The following MYO19 variants were observed in gnomAD, a reference collection of about 807,000 sequenced individuals.
MYO19 encodes myosin XIX.
A neutral mutation model predicts 129.2 loss-of-function variants in MYO19; 132 were observed. The ratio of observed to expected loss-of-function variants is 1.02; its 90% CI spans 0.89 to 1.18. The LOEUF is 1.18. Among genes scored for constraint, MYO19 ranks in the 50% most tolerant of loss-of-function variants. MYO19 has a pLI of 0.00. For missense variants in MYO19, 1,210 were observed against 1,216.7 expected (o/e 0.99, Z 0.08); for synonymous variants, 531 against 477.2 (o/e 1.11, Z -1.47).
chr17:36,498,608 T>C (rs373592150), intron 24 of MYO19, 49 bp from the exon 25 acceptor site: 1 of 1,518,836 alleles, frequency 6.6e-7, no homozygotes, highest in Non-Finnish European at 8.9e-7. Flanking sequence ...CTAGCCCTCT[T>C]AGCAGAAAAT....
upstream of MYO19, among the ~76,000 whole-genome samples, chr17:36,536,596 C>G (rs2074134814): frequency 1.4e-5 from 2 of 145,992 alleles, no homozygotes; most frequent in African/African-American, 5.0e-5. Flanking sequence ...CTCACTCCAA[C>G]CTCTGCTTCC....
At position 36,500,871 on chromosome 17, in the gene MYO19, T is replaced by G; in HGVS notation, c.2336A>C (p.Glu779Ala). Residue 779 changes from glutamate to alanine, a missense_variant, in exon 23 of 26, where the codon GAG (glutamate) becomes GCG (alanine). Coordinates refer to ENST00000614623, the MANE Select transcript of MYO19 (RefSeq NM_001163735.2). The part of the protein sequence containing the change: ...QGGWRRHRHR[E>A]QERQWRAVML... ...GACGGCCCGCCACTGCCGCTCCTGCTCTCGGTGCCGGTGTCGCCTCCAGCC... is the reference window on the plus strand; with the variant it reads ...GACGGCCCGCCACTGCCGCTCCTGCGCTCGGTGCCGGTGTCGCCTCCAGCC... 1 of 1,605,424 alleles carries G rather than the reference T, an allele frequency of 6.2e-7. No individual in the cohort carries two copies. Among genetic ancestry groups the G allele is most frequent in the Non-Finnish European group, 8.5e-7 (1 of 1,179,242 alleles).
At chr17:36,502,112 G>T (rs2071572756) in intron 21 of MYO19, among the ~76,000 whole-genome samples, 1 of 152,236 alleles carries the variant, frequency 6.6e-6, no homozygotes, top group Non-Finnish European at 1.5e-5. Flanking sequence ...AAGGCTGGGT[G>T]GGAGGGGCAG....
In MYO19 at chr17:36,511,471, G is replaced by A; in HGVS notation, c.895-16C>T. On this transcript the variant is annotated splice_polypyrimidine_tract_variant and intron_variant, in intron 11 of 25. Coordinates refer to ENST00000614623, the MANE Select transcript of MYO19 (RefSeq NM_001163735.2). ...CAGCTAGGACCTGGGGGAAAGAAAA[G>A]GATGGGTGGGAGTAGGAGAGGGCGT... 1 of 1,553,594 alleles carries A rather than the reference G, an allele frequency of 6.4e-7. No individual in the cohort carries two copies. Among genetic ancestry groups the A allele is most frequent in the Non-Finnish European group, 8.7e-7 (1 of 1,148,070 alleles).
intron 12 of MYO19, 61 bp downstream of exon 12, chr17:36,511,304 C>T (rs934068457): frequency 1.3e-6 from 2 of 1,519,584 alleles, no homozygotes; most frequent in Non-Finnish European, 1.8e-6. Context: ...TTCCACCCAA[C>T]CCCAGCAATG....
At chr17:36,507,735 G>T in intron 15 of MYO19, 68 bp downstream of exon 15, 1 of 1,495,092 alleles carries the variant, frequency 6.7e-7, no homozygotes, top group Non-Finnish European at 8.9e-7. Flanking sequence ...CTGGACTGGG[G>T]CTGGAAGGTC....
intron 3 of MYO19, among the ~76,000 whole-genome samples, chr17:36,528,756 A>C (rs2073649514): frequency 6.6e-6 from 1 of 152,180 alleles, no homozygotes; most frequent in Non-Finnish European, 1.5e-5. Flanking sequence ...ATTGGGAAGA[A>C]AAGAAGAGAT....
intron 8 of MYO19, 143 bp from the exon 9 acceptor site, chr17:36,514,691 G>A: frequency 1.6e-6 from 1 of 635,266 alleles, no homozygotes; most frequent in Non-Finnish European, 2.8e-6. Flanking sequence ...GAGGGGTGGG[G>A]ACCACTCAGA....
chr17:36,511,253 C>T (rs1040104963), intron 12 of MYO19, 112 bp downstream of exon 12: 1 of 1,169,680 alleles, frequency 8.5e-7, no homozygotes, highest in Non-Finnish European at 1.2e-6. Flanking sequence ...TGGTGGGTGG[C>T]ATAAGCAAGG....
At position 36,496,082 on chromosome 17, in the gene MYO19, G is replaced by A. The variant is rs2070939298; in HGVS notation, c.*169C>T. ...TGCTTGATGTAGCCTGGAACCCCAG[G>A]CCCACTGACGCACTGGGCACGGGGC... On this transcript the variant is annotated 3_prime_UTR_variant, in exon 26 of 26. Coordinates refer to ENST00000614623, the MANE Select transcript of MYO19 (RefSeq NM_001163735.2). 1 of 944,848 alleles carries A rather than the reference G, an allele frequency of 1.1e-6. No individual in the cohort carries two copies. Among genetic ancestry groups the A allele is most frequent in the Non-Finnish European group, 1.6e-6 (1 of 639,148 alleles). 58.5% of individuals were successfully genotyped at this position (944,848 alleles called of 1,614,324 possible).
chr17:36,514,465 T>C lies in MYO19; in HGVS notation c.701A>G (p.Asn234Ser). Residue 234 changes from asparagine to serine, a missense_variant, in exon 9 of 26, where the codon AAC becomes AGC. By Grantham distance (46) the Asn-to-Ser change is conservative. Transcript: ENST00000614623. The part of the protein sequence containing the change: ...RVACQASSER[N>S]FHIFYQICKG... ...ACAAACCTGATAGAAGATGTGGAAG[T>C]TCCTCTCACTGGAAGCCTGGCAGGC... 1 of 1,612,442 alleles carries C rather than the reference T, an allele frequency of 6.2e-7. No homozygotes were observed. The highest frequency in any genetic ancestry group is 8.5e-7 in the Non-Finnish European group (1 of 1,178,506).
At chr17:36,496,553 T>G in intron 25 of MYO19, 147 bp from the exon 26 acceptor site, 1 of 724,876 alleles carries the variant, frequency 1.4e-6, no homozygotes, top group Non-Finnish European at 2.3e-6. Flanking sequence ...TAGCATTACA[T>G]CCACTCAGTG....
chr17:36,520,778 A>G lies in MYO19; in HGVS notation c.414+4450T>C, dbSNP rs148301004. ...ATACAGTATATAAGACATATAACACACAAAATACGTACTGACTGTTATGTT... is the reference window on the plus strand; with the variant it reads ...ATACAGTATATAAGACATATAACACGCAAAATACGTACTGACTGTTATGTT... On this transcript the variant is annotated intron_variant, in intron 6 of 25. Coordinates refer to ENST00000614623, the MANE Select transcript of MYO19 (RefSeq NM_001163735.2). 1.2e-3 allele frequency among the ~76,000 whole-genome samples: 184 copies of G among 152,334 alleles called. 1 individual carries two copies. The highest frequency in any genetic ancestry group is 4.3e-3 in the African/African-American group (179 of 41,586).
At chr17:36,500,574 AAGACAACGCTT>A (rs1261387435) in intron 23 of MYO19, 37 of 486,772 alleles carry the variant, frequency 7.6e-5, no homozygotes, top group African/African-American at 2.8e-4. Context: ...AAAGGAATTA[AAGACAACGCTT>A]AGACAACGCT....
At chr17:36,522,043 A>AG (rs1491297478) in intron 6 of MYO19, among the ~76,000 whole-genome samples, 41 of 151,254 alleles carry the variant, frequency 2.7e-4, no homozygotes, top group African/African-American at 8.2e-4. Flanking sequence ...AAAAAAAAAA[A>AG]AAAAGAAAAG....
chr17:36,507,201 G>A, intron 16 of MYO19, 62 bp from the exon 17 acceptor site: 3 of 1,565,182 alleles, frequency 1.9e-6, no homozygotes, highest in Non-Finnish European at 8.7e-7. Flanking sequence ...AACCCTCACT[G>A]TCCCCACCCT....
chr17:36,501,356 AG>A, intron 21 of MYO19, 121 bp from the exon 22 acceptor site: 4 of 1,045,830 alleles, frequency 3.8e-6, no homozygotes, highest in Non-Finnish European at 5.4e-6. Flanking sequence ...TCTTGGCTCT[AG>A]CCATTTTCTC....
At chr17:36,525,408 G>T in intron 5 of MYO19, 67 bp from the exon 6 acceptor site, 1 of 1,151,550 alleles carries the variant, frequency 8.7e-7, no homozygotes. Context: ...CTGAGCCAAT[G>T]ATGACTGAGA....
intron 6 of MYO19, among the ~76,000 whole-genome samples, chr17:36,521,611 A>G (rs2073133661): frequency 1.3e-5 from 2 of 152,178 alleles, no homozygotes; most frequent in African/African-American, 4.8e-5. Flanking sequence ...GACCCACACA[A>G]AGTACCCAGC....
Sources: gnomAD v4.1 joint callset for allele counts (sites outside exome capture counted in the v4.1 genomes callset) on GRCh38, gnomAD v4.1.1 for gene constraint, MANE v1.5 for transcripts, NCBI Gene and HGNC (gene_info 2026-07-23, HGNC 2026-07-21) for gene names.